Variants in IKZF1 observed in about 807,000 individuals in gnomAD.
IKZF1 encodes the protein IKAROS family zinc finger 1.
Under a neutral mutation model 51.7 loss-of-function variants are expected in IKZF1, and 10 were observed. That is an observed-to-expected ratio of 0.19 (90% confidence interval 0.12 to 0.33). The LOEUF (loss-of-function observed/expected upper bound fraction) is 0.33, where lower values mean the gene tolerates loss of function less well. Among genes scored for constraint, IKZF1 ranks in the 10% least tolerant of loss-of-function variants. IKZF1 has a pLI of 1.00. For synonymous variants in IKZF1, 280 were observed against 282.3 expected (o/e 0.99, Z 0.08); for missense variants, 484 against 707.5 (o/e 0.68, Z 3.58).
chr7:50,309,130 C>T (rs1319357305), intron 1 of IKZF1, among the ~76,000 whole-genome samples: 6 of 152,192 alleles, frequency 3.9e-5, no homozygotes, highest in Admixed American at 2.0e-4. Context: ...TAGCTCGTGG[C>T]GCGGGGCCAC....
chr7:50,357,650 C>T (rs1803868963), intron 3 of IKZF1, among the ~76,000 whole-genome samples: 1 of 152,178 alleles, frequency 6.6e-6, no homozygotes, highest in South Asian at 2.1e-4. Flanking sequence ...TCTGGAGACT[C>T]CCTCGGGGTT....
chr7:50,330,339 G>A (rs1796175486), intron 3 of IKZF1, among the ~76,000 whole-genome samples: 1 of 152,248 alleles, frequency 6.6e-6, no homozygotes, highest in Admixed American at 6.5e-5. Flanking sequence ...GAACAGCCAT[G>A]TGACGTGGGC....
At chr7:50,361,663 G>A (rs1805276023) in intron 3 of IKZF1, among the ~76,000 whole-genome samples, 1 of 152,168 alleles carries the variant, frequency 6.6e-6, no homozygotes, top group African/African-American at 2.4e-5. Context: ...TGATCACAAG[G>A]TCAAGAGATC....
intron 5 of IKZF1, among the ~76,000 whole-genome samples, chr7:50,383,402 C>T (rs893539271): frequency 3.9e-5 from 6 of 152,214 alleles, no homozygotes. Flanking sequence ...AGTTCAAATC[C>T]ACTAAAGTTT....
upstream of IKZF1, among the ~76,000 whole-genome samples, chr7:50,303,690 C>G (rs1788098172): frequency 6.6e-6 from 1 of 152,096 alleles, no homozygotes. This position sits in a 1 kb window ranked among gnomAD's most constrained non-coding sequence, Gnocchi z 4.7. Context: ...GGACGTGAAG[C>G]TGAGCGTACA....
chr7:50,340,899 T>A (rs1798909091), intron 3 of IKZF1, among the ~76,000 whole-genome samples: 2 of 152,248 alleles, frequency 1.3e-5, no homozygotes. Context: ...TTTTTGTCAC[T>A]GTAAAGGCTG....
chr7:50,323,251 G>T (rs961286005), intron 2 of IKZF1, among the ~76,000 whole-genome samples: 2 of 152,170 alleles, frequency 1.3e-5, no homozygotes, highest in African/African-American at 4.8e-5. Context: ...TTAAGCAACT[G>T]ACCGGAAGTC....
At chr7:50,364,812 G>C (rs977404916) in intron 3 of IKZF1, among the ~76,000 whole-genome samples, 1 of 152,200 alleles carries the variant, frequency 6.6e-6, no homozygotes, top group East Asian at 1.9e-4. Context: ...CTGTGACTTT[G>C]TTCAGTCCCT....
At chr7:50,351,443 A>G (rs970288083) in intron 3 of IKZF1, among the ~76,000 whole-genome samples, 2 of 152,112 alleles carry the variant, frequency 1.3e-5, no homozygotes, top group African/African-American at 4.8e-5. Context: ...CTCCATATCT[A>G]CTTTCCCGGC....
intron 3 of IKZF1, among the ~76,000 whole-genome samples, chr7:50,353,160 G>A (rs1802303394): frequency 6.6e-6 from 1 of 152,196 alleles, no homozygotes. Context: ...CTGTGCCACA[G>A]CCCAGGCACA....
At chr7:50,335,151 A>G (rs1322370837) in intron 3 of IKZF1, among the ~76,000 whole-genome samples, 3 of 138,720 alleles carry the variant, frequency 2.2e-5, no homozygotes, top group Admixed American at 7.2e-5. Context: ...TGTGATGTGT[A>G]TGTGTATGGG....
At chr7:50,380,179 A>T (rs1811445592) in intron 4 of IKZF1, among the ~76,000 whole-genome samples, 1 of 152,056 alleles carries the variant, frequency 6.6e-6, no homozygotes, top group African/African-American at 2.4e-5. Flanking sequence ...AGTGCTCTGT[A>T]TTGTCACTCC....
intron 3 of IKZF1, among the ~76,000 whole-genome samples, chr7:50,374,674 A>AC (rs1322563076): frequency 6.6e-6 from 1 of 152,130 alleles, no homozygotes; most frequent in Non-Finnish European, 1.5e-5. Flanking sequence ...CCATGCCCCA[A>AC]CCACTATCCT....
chr7:50,354,458 G>T (rs562944398), intron 3 of IKZF1, among the ~76,000 whole-genome samples: 1 of 152,340 alleles, frequency 6.6e-6, no homozygotes, highest in Non-Finnish European at 1.5e-5. Context: ...CAGAGCTGGG[G>T]CGAGGGCTCT....
chr7:50,389,451 A>C (rs986531463), intron 6 of IKZF1, among the ~76,000 whole-genome samples: 2 of 152,176 alleles, frequency 1.3e-5, no homozygotes, highest in African/African-American at 2.4e-5. Context: ...TTGGTGGTTA[A>C]GTTACTTGGA....
chr7:50,332,534 A>G (rs1796639932), intron 3 of IKZF1, among the ~76,000 whole-genome samples: 1 of 152,186 alleles, frequency 6.6e-6, no homozygotes, highest in Non-Finnish European at 1.5e-5. Flanking sequence ...GCAGGCTAGA[A>G]AACGGGATGG....
chr7:50,321,981 AT>A (rs1562731643), intron 2 of IKZF1, among the ~76,000 whole-genome samples: 7 of 152,272 alleles, frequency 4.6e-5, no homozygotes, highest in Non-Finnish European at 1.5e-5. Flanking sequence ...AGGGATTCCT[AT>A]TTCTAAAACA....
At chr7:50,362,384 G>T (rs1049489046) in intron 3 of IKZF1, among the ~76,000 whole-genome samples, 4 of 152,246 alleles carry the variant, frequency 2.6e-5, no homozygotes, top group Non-Finnish European at 1.5e-5. Flanking sequence ...CAGACTCACG[G>T]TTTGCAGGCA....
intron 3 of IKZF1, among the ~76,000 whole-genome samples, chr7:50,343,222 CCCCT>C (rs1196093046): frequency 3.3e-5 from 4 of 122,470 alleles, no homozygotes; most frequent in South Asian, 3.2e-4. Flanking sequence ...CCCTTCCCCT[CCCCT>C]CCCTCCCTCC....
Sources: gnomAD v4.1 joint callset for allele counts (sites outside exome capture counted in the v4.1 genomes callset) on GRCh38, gnomAD v4.1.1 for gene constraint, Gnocchi (gnomAD v3.1) non-coding constraint, MANE v1.5 for transcripts, NCBI Gene and HGNC (gene_info 2026-07-23, HGNC 2026-07-21) for gene names.